The following ZNF831 variants were observed in gnomAD, a reference collection of about 807,000 sequenced individuals.
The protein encoded by ZNF831 is chromosome 20 open reading frame 174.
Under a neutral mutation model 95.8 loss-of-function variants are expected in ZNF831, and 59 were observed. The observed-to-expected ratio is 0.62, with a 90% CI of 0.50 to 0.77. ZNF831 has a LOEUF of 0.77. Among genes scored for constraint, ZNF831 ranks in the 30% least tolerant of loss-of-function variants. The pLI is 0.00. For missense variants in ZNF831, 2,205 were observed against 2,164.0 expected, an observed-to-expected ratio of 1.02 and a Z score of -0.38; for synonymous variants, 961 against 925.5, an observed-to-expected ratio of 1.04 and a Z score of -0.70.
intron 2 of ZNF831, among the ~76,000 whole-genome samples, chr20:59,158,666 G>T (rs1980671686): frequency 6.6e-6 from 1 of 152,222 alleles, no homozygotes; most frequent in Admixed American, 6.5e-5. Flanking sequence ...ATTTCCCAAA[G>T]GCTGGTATGC....
upstream of ZNF831, among the ~76,000 whole-genome samples, chr20:59,162,618 T>C (rs1004901683): frequency 6.6e-6 from 1 of 152,212 alleles, no homozygotes; most frequent in African/African-American, 2.4e-5. Context: ...TGCAGCTTTA[T>C]TTCTGGGTTC....
At chr20:59,207,584 A>G (rs923864022) in intron 4 of ZNF831, among the ~76,000 whole-genome samples, 3 of 152,148 alleles carry the variant, frequency 2.0e-5, no homozygotes, top group East Asian at 1.9e-4. Flanking sequence ...TAAAAGGCGA[A>G]CTAAGTGGGG....
chr20:59,155,603 A>G (rs920686084), intron 2 of ZNF831, among the ~76,000 whole-genome samples: 1 of 152,206 alleles, frequency 6.6e-6, no homozygotes, highest in African/African-American at 2.4e-5. Context: ...AAGTCCAGGT[A>G]AAGCTGGCTT....
At position 59,194,759 on chromosome 20, in the gene ZNF831, T is replaced by A. The variant is rs1211978599; in HGVS notation, c.3738+2T>A. 3.9e-6 allele frequency: 6 copies of A among 1,548,700 alleles called. No individual in the cohort carries two copies. The highest frequency in any genetic ancestry group is 4.3e-6 in the Non-Finnish European group (5 of 1,149,564). Reference sequence around the variant, plus strand: ...GGAGGGCCGGCGCAGATGTCCAAGGTAAAGCTGGGCTTTGCCCCAGGGCCC... The same window carrying A: ...GGAGGGCCGGCGCAGATGTCCAAGGAAAAGCTGGGCTTTGCCCCAGGGCCC... On this transcript the variant is annotated splice_donor_variant, in intron 2 of 5. Transcript: ENST00000371030. LOFTEE classifies it high-confidence loss of function.
chr20:59,191,871 C>G lies in ZNF831; in HGVS notation c.852C>G (p.Pro284=), dbSNP rs1308576755. Residue 284 remains proline (P), a synonymous_variant, in exon 2 of 6, where the codon CCC becomes CCG. Transcript: ENST00000371030. ...GAGAGGCTCCTTGGGACTCTGCCCC[C>G]ATGGCGTCACCTGGGCTCCCAGCGG... ...ADREAPWDSA[P]MASPGLPAAS... is the part of the protein sequence containing the mutation. 1 of 1,613,142 alleles carries G rather than the reference C, an allele frequency of 6.2e-7. No individual in the cohort carries two copies. Among genetic ancestry groups the G allele is most frequent in the Non-Finnish European group, 8.5e-7 (1 of 1,179,978 alleles).
intron 4 of ZNF831, among the ~76,000 whole-genome samples, chr20:59,231,014 T>C (rs1433537048): frequency 2.6e-5 from 4 of 152,212 alleles, no homozygotes; most frequent in African/African-American, 9.7e-5. Context: ...CCTTATTTTT[T>C]TGTGGTCAAG....
chr20:59,191,915 G>T lies in ZNF831; in HGVS notation c.896G>T (p.Arg299Leu), dbSNP rs779936120. ...CCAGCGGCCAGCACACAACCCTGGC[G>T]TAAGTTGCCAGAGCAGAAGTCGCCG... ...GLPAASTQPW[R>L]KLPEQKSPTA... The change falls in exon 2 of 6, where the codon CGT (arginine) becomes CTT (leucine). Residue 299 changes from arginine to leucine, a missense_variant. By Grantham distance (102) the Arg-to-Leu change is moderately radical (BLOSUM62 -2). Coordinates refer to ENST00000371030, the MANE Select transcript of ZNF831 (RefSeq NM_178457.3). 1 of 1,612,298 alleles carries T rather than the reference G, an allele frequency of 6.2e-7. No homozygotes were observed. Among genetic ancestry groups the T allele is most frequent in the Non-Finnish European group, 8.5e-7 (1 of 1,179,784 alleles).
At chr20:59,143,294 G>A (rs1979738611) in intron 1 of ZNF831, among the ~76,000 whole-genome samples, 2 of 152,202 alleles carry the variant, frequency 1.3e-5, no homozygotes, top group African/African-American at 2.4e-5. Context: ...GTAGGCAGGT[G>A]GAGAAGACAC....
intron 1 of ZNF831, among the ~76,000 whole-genome samples, chr20:59,130,173 T>G (rs1979303965): frequency 6.6e-6 from 1 of 152,114 alleles, no homozygotes; most frequent in South Asian, 2.1e-4. Context: ...GACCAACATT[T>G]GCTGTTATTA....
intron 1 of ZNF831, among the ~76,000 whole-genome samples, chr20:59,183,765 C>T (rs58704423): frequency 0.03 from 4,522 of 152,198 alleles, 262 homozygotes; most frequent in African/African-American, 0.1. Context: ...TTTAGGTTTG[C>T]AGAAAAATGA....
chr20:59,195,542 G>T (rs1013454327), intron 2 of ZNF831, among the ~76,000 whole-genome samples: 1 of 152,140 alleles, frequency 6.6e-6, no homozygotes, highest in African/African-American at 2.4e-5. Context: ...AGTCAGTAGG[G>T]CCCCAGGGGT....
chr20:59,145,964 AT>A (rs536483098), intron 1 of ZNF831, among the ~76,000 whole-genome samples: 52 of 152,154 alleles, frequency 3.4e-4, no homozygotes, highest in African/African-American at 1.2e-3. Flanking sequence ...TTTGTACCGG[AT>A]GGTTTTGTTT....
chr20:59,204,786 C>T (rs1385847069), intron 3 of ZNF831, among the ~76,000 whole-genome samples: 1 of 152,170 alleles, frequency 6.6e-6, no homozygotes, highest in African/African-American at 2.4e-5. Context: ...GCACTGGCCA[C>T]ACCTTGAGGG....
chr20:59,257,905 T>C lies in ZNF831; in HGVS notation c.*3162T>C, dbSNP rs889530045. ...GACTCACCAGGTTTCTCTCTCCACC[T>C]GTACCTACACCCAGCTAGATCTTGT... On this transcript the variant is annotated 3_prime_UTR_variant, in exon 6 of 6. Coordinates refer to ENST00000371030, the MANE Select transcript of ZNF831 (RefSeq NM_178457.3). The C allele has an allele frequency of 6.6e-6, 1 of 152,116 alleles. No individual in the cohort carries two copies. The highest frequency in any genetic ancestry group is 6.5e-5 in the Admixed American group (1 of 15,268). The allele number at this position is 152,116 out of a possible 1,614,324, so 9.4% of individuals were successfully genotyped here. A position where few individuals can be genotyped will look rare whatever the true frequency, so the allele number is the denominator to read the frequency against.
At chr20:59,241,033 A>C (rs1182525458) in intron 4 of ZNF831, among the ~76,000 whole-genome samples, 1 of 152,114 alleles carries the variant, frequency 6.6e-6, no homozygotes, top group African/African-American at 2.4e-5. Flanking sequence ...TTTCTGAGGT[A>C]AAAAAGAAAA....
chr20:59,129,251 G>A (rs1979274420), intron 1 of ZNF831, among the ~76,000 whole-genome samples: 1 of 151,988 alleles, frequency 6.6e-6, no homozygotes, highest in South Asian at 2.1e-4. Flanking sequence ...GTGCATGTGT[G>A]TATGTGTGTG....
chr20:59,128,694 G>A (rs545885039), intron 1 of ZNF831, among the ~76,000 whole-genome samples: 1 of 152,368 alleles, frequency 6.6e-6, no homozygotes, highest in East Asian at 1.9e-4. Context: ...CAGGTCAGAG[G>A]TGGTGGTGGC....
chr20:59,188,494 G>T (rs1983243055), intron 1 of ZNF831, among the ~76,000 whole-genome samples: 1 of 151,920 alleles, frequency 6.6e-6, no homozygotes, highest in African/African-American at 2.4e-5. Context: ...TTTTAAATTG[G>T]GTTGTTACAA....
chr20:59,216,342 T>TC (rs1444515237), intron 4 of ZNF831, among the ~76,000 whole-genome samples: 1 of 152,210 alleles, frequency 6.6e-6, no homozygotes, highest in Non-Finnish European at 1.5e-5. Flanking sequence ...GGAAGAGCCT[T>TC]CCCTTCTCTG....
Sources: allele counts gnomAD v4.1 joint callset (sites outside exome capture counted in the v4.1 genomes callset), GRCh38; gene constraint gnomAD v4.1.1; transcripts MANE v1.5; gene names NCBI Gene and HGNC (gene_info 2026-07-23, HGNC 2026-07-21).